PPP3CA: variants seen among roughly 807,000 people sequenced by gnomAD.
PPP3CA encodes CAM-PRP catalytic subunit.
A neutral mutation model predicts 66.5 loss-of-function variants in PPP3CA; 14 were observed. That is an observed-to-expected ratio of 0.21 (90% CI 0.14 to 0.33). The LOEUF (loss-of-function observed/expected upper bound fraction) is 0.33, where lower values mean the gene tolerates loss of function less well. Among genes scored for constraint, PPP3CA ranks in the 10% least tolerant of loss-of-function variants. The probability of loss-of-function intolerance (pLI) is 1.00; values close to 1 mark genes in which losing one functional copy is unlikely to be tolerated. For synonymous variants in PPP3CA, 232 were observed against 226.2 expected (o/e 1.03, Z -0.23); for missense variants, 317 against 639.5 (o/e 0.50, Z 5.44).
intron 1 of PPP3CA, among the ~76,000 whole-genome samples, chr4:101,290,087 C>T (rs78555126): frequency 6.6e-6 from 1 of 152,098 alleles, no homozygotes; most frequent in African/African-American, 2.4e-5. Flanking sequence ...CAAAAGTGAT[C>T]TACAGTTTTA....
At chr4:101,154,005 C>G (rs546159304) in intron 2 of PPP3CA, among the ~76,000 whole-genome samples, 2 of 152,158 alleles carry the variant, frequency 1.3e-5, no homozygotes, top group South Asian at 4.2e-4. Flanking sequence ...AGCCCATGGC[C>G]ACTTTTAAAA....
chr4:101,124,733 A>AAGAGAG (rs1491346725), intron 2 of PPP3CA, among the ~76,000 whole-genome samples: 2 of 69,190 alleles, frequency 2.9e-5, no homozygotes, highest in Admixed American at 1.5e-4. Context: ...AAGAGAAAGA[A>AAGAGAG]AGAAAGAAAG....
At chr4:101,203,691 T>A (rs1352805702) in intron 1 of PPP3CA, among the ~76,000 whole-genome samples, 1 of 152,182 alleles carries the variant, frequency 6.6e-6, no homozygotes, top group Non-Finnish European at 1.5e-5. Flanking sequence ...GTACAGATTT[T>A]CTCATGCTCC....
intron 5 of PPP3CA, among the ~76,000 whole-genome samples, chr4:101,094,344 T>A (rs1730100061): frequency 6.6e-6 from 1 of 152,214 alleles, no homozygotes; most frequent in Admixed American, 6.6e-5. Context: ...AAATTCCTAT[T>A]ACTGCCTCTA....
At chr4:101,087,332 T>C (rs1430318558) in intron 6 of PPP3CA, among the ~76,000 whole-genome samples, 2 of 152,332 alleles carry the variant, frequency 1.3e-5, no homozygotes, top group South Asian at 2.1e-4. Flanking sequence ...AGGCAAACTT[T>C]TTAGTAAAGT....
intron 2 of PPP3CA, among the ~76,000 whole-genome samples, chr4:101,139,696 GTTTTTTT>G (rs372257350): frequency 2.0e-5 from 2 of 98,406 alleles, no homozygotes; most frequent in Admixed American, 1.2e-4. Context: ...TTTTTTTTGT[GTTTTTTT>G]TTTTTTTTTT....
At position 101,184,296 on chromosome 4, in the gene PPP3CA, A is replaced by G. The variant is rs1404116644; in HGVS notation, c.259+11620T>C. ...CTGAGATGGTATACTGTGCTGATTG[A>G]GAGCTTGAGGCCCAGAATCAGTTCC... On this transcript the variant is annotated intron_variant, in intron 2 of 13. Transcript: ENST00000394854. Among the ~76,000 whole-genome samples, 8 of 152,314 alleles carry G rather than the reference A, an allele frequency of 5.3e-5. No homozygotes were observed. The Middle Eastern group carries it at 0.01, about 194-fold the overall frequency.
chr4:101,216,434 G>A (rs887152111), intron 1 of PPP3CA, among the ~76,000 whole-genome samples: 12 of 152,046 alleles, frequency 7.9e-5, no homozygotes, highest in Non-Finnish European at 1.5e-4. Context: ...AGCAGATCAC[G>A]AGATTTTGGT....
At chr4:101,135,907 C>T (rs1223557681) in intron 2 of PPP3CA, among the ~76,000 whole-genome samples, 1 of 152,182 alleles carries the variant, frequency 6.6e-6, no homozygotes, top group Admixed American at 6.6e-5. Context: ...GTTCAAATGG[C>T]AGCACTAGCA....
At position 101,265,748 on chromosome 4, in the gene PPP3CA, C is replaced by T. The variant is rs572752716; in HGVS notation, c.59-69632G>A. Among the ~76,000 whole-genome samples, 7 of 152,198 alleles carry T rather than the reference C, an allele frequency of 4.6e-5. No homozygotes were observed. In the East Asian group the frequency reaches 1.4e-3, roughly 29 times the overall value. ...AACAACAGATATACAAACACTGCTTCAAAACAAACATAACTCATTTACCCT... is the reference window on the plus strand; with the variant it reads ...AACAACAGATATACAAACACTGCTTTAAAACAAACATAACTCATTTACCCT... On this transcript the variant is annotated intron_variant, in intron 1 of 13. Transcript: ENST00000394854.
intron 2 of PPP3CA, among the ~76,000 whole-genome samples, chr4:101,190,625 C>T (rs1724567742): frequency 6.6e-6 from 1 of 152,074 alleles, no homozygotes; most frequent in Non-Finnish European, 1.5e-5. Context: ...TGATTTTGAG[C>T]CCCTGGCTTA....
At chr4:101,138,774 T>C (rs144278552) in intron 2 of PPP3CA, among the ~76,000 whole-genome samples, 2 of 152,318 alleles carry the variant, frequency 1.3e-5, no homozygotes, top group Non-Finnish European at 2.9e-5. Context: ...ACTGATATAA[T>C]ACATGAGTAT....
intron 2 of PPP3CA, among the ~76,000 whole-genome samples, chr4:101,182,898 C>T (rs529288211): frequency 3.4e-4 from 51 of 152,210 alleles, no homozygotes; most frequent in African/African-American, 1.1e-3. Context: ...TTGCCTGCTG[C>T]CATCCATGTA....
intron 1 of PPP3CA, among the ~76,000 whole-genome samples, chr4:101,306,520 T>C (rs1399436738): frequency 6.6e-6 from 1 of 151,910 alleles, no homozygotes; most frequent in Non-Finnish European, 1.5e-5. Flanking sequence ...CCAGTAATAA[T>C]AGATATATGA....
At chr4:101,063,478 C>A (rs771896688) in intron 8 of PPP3CA, 121 bp from the exon 9 acceptor site, 10 of 1,128,486 alleles carry the variant, frequency 8.9e-6, no homozygotes, top group Non-Finnish European at 1.2e-5. Flanking sequence ...CAGGCTCACA[C>A]CTTAGGCATC....
intron 1 of PPP3CA, among the ~76,000 whole-genome samples, chr4:101,273,944 AAACT>A (rs1378351114): frequency 3.3e-5 from 5 of 152,272 alleles, no homozygotes; most frequent in African/African-American, 9.6e-5. Context: ...AGTAAAAAAA[AAACT>A]AACAGCTGAA....
intron 1 of PPP3CA, among the ~76,000 whole-genome samples, chr4:101,314,883 T>C (rs1437765169): frequency 6.6e-6 from 1 of 152,190 alleles, no homozygotes; most frequent in Non-Finnish European, 1.5e-5. Flanking sequence ...TCTTCTTTTA[T>C]AAAAATCACT....
In PPP3CA at chr4:101,346,819, A is replaced by G; in HGVS notation, c.-23T>C. On this transcript the variant is annotated 5_prime_UTR_variant, in exon 1 of 14. Transcript: ENST00000394854. ...CATCTCCAGCTGCCGGAGGACAGCGACGCGCTGCTCGTCCGTCCGACTGCA... is the reference window on the plus strand; with the variant it reads ...CATCTCCAGCTGCCGGAGGACAGCGGCGCGCTGCTCGTCCGTCCGACTGCA... 1 of 1,606,990 alleles carries G rather than the reference A, an allele frequency of 6.2e-7. No individual in the cohort carries two copies. The highest frequency in any genetic ancestry group is 1.1e-5 in the South Asian group (1 of 89,882).
At chr4:101,117,661 TAATTACAATATAC>T (rs1721887218) in intron 2 of PPP3CA, among the ~76,000 whole-genome samples, 2 of 151,698 alleles carry the variant, frequency 1.3e-5, no homozygotes, top group Non-Finnish European at 3.0e-5. Flanking sequence ...TTACAATATA[TAATTACAATATAC>T]AATTACAATA....
Sources: gnomAD v4.1 joint callset for allele counts (sites outside exome capture counted in the v4.1 genomes callset) on GRCh38, gnomAD v4.1.1 for gene constraint, MANE v1.5 for transcripts, NCBI Gene and HGNC (gene_info 2026-07-23, HGNC 2026-07-21) for gene names.